Variants in YWHAZ observed in about 807,000 individuals in gnomAD.
The protein encoded by YWHAZ is 14-3-3 protein zeta/delta.
For missense variants in YWHAZ, 79 were observed against 284.8 expected, an observed-to-expected ratio of 0.28 and a Z score of 5.20; for synonymous variants, 87 against 103.6, an observed-to-expected ratio of 0.84 and a Z score of 0.97.
In YWHAZ at chr8:100,918,490, G is replaced by C. The variant is rs1484152354; in HGVS notation, c.*2203C>G. ...TGGGGGTCAGGAGAAATCAGTAAGT[G>C]AGGTAAAAGAAAGAGCTGCGAGGGA... On this transcript the variant is annotated 3_prime_UTR_variant, in exon 6 of 6. Coordinates refer to ENST00000395958, the MANE Select transcript of YWHAZ (RefSeq NM_145690.3). 1 of 138,826 alleles carries C rather than the reference G, an allele frequency of 7.2e-6. No homozygotes were observed. Among genetic ancestry groups the C allele is most frequent in the African/African-American group, 2.7e-5 (1 of 37,680 alleles). The allele number at this position is 138,826 out of a possible 1,614,324, so 8.6% of individuals were successfully genotyped here. A position where few individuals can be genotyped will look rare whatever the true frequency, so the allele number is the denominator to read the frequency against.
chr8:100,952,401 C>T (rs1810866159), upstream of YWHAZ: 1 of 155,180 alleles, frequency 6.4e-6, no homozygotes, highest in African/African-American at 2.4e-5. Flanking sequence ...CTCTCTCTCC[C>T]TCTCCCCTGC....
At chr8:100,938,155 T>C (rs995126122) in intron 2 of YWHAZ, among the ~76,000 whole-genome samples, 2 of 152,074 alleles carry the variant, frequency 1.3e-5, no homozygotes, top group African/African-American at 2.4e-5. Context: ...CCCCACTGTT[T>C]TCAATAAAAT....
chr8:100,929,656 T>G (rs977247790), intron 2 of YWHAZ, among the ~76,000 whole-genome samples: 1 of 152,190 alleles, frequency 6.6e-6, no homozygotes, highest in Non-Finnish European at 1.5e-5. Context: ...GTGGTCTTTT[T>G]CAATTCTAAG....
At position 100,950,588 on chromosome 8, in the gene YWHAZ, T is replaced by C. The variant is rs986819218; in HGVS notation, c.-12+1341A>G. 1.0e-5 allele frequency: 10 copies of C among 985,022 alleles called. No homozygotes were observed. The African/African-American group carries it at 1.8e-4, about 17-fold the overall frequency. 61.0% of individuals were successfully genotyped at this position (985,022 alleles called of 1,614,324 possible). On this transcript the variant is annotated intron_variant, in intron 1 of 5. Coordinates refer to ENST00000395958, the MANE Select transcript of YWHAZ (RefSeq NM_145690.3). The stretch of plus-strand genomic sequence containing the variant: ...ATCTGTGTCAGGGAGCCCAACCTAC[T>C]GCAGAGTGTTAATTCCTCCCCCCGA...
intron 2 of YWHAZ, among the ~76,000 whole-genome samples, chr8:100,947,072 T>G (rs1356929314): frequency 6.6e-6 from 1 of 151,066 alleles, no homozygotes; most frequent in Non-Finnish European, 1.5e-5. Flanking sequence ...GCTAACATGG[T>G]GAAACCCCGT....
chr8:100,920,806 G>GGC, intron 5 of YWHAZ, 54 bp from the exon 6 acceptor site: 2 of 555,952 alleles, frequency 3.6e-6, no homozygotes, highest in South Asian at 1.6e-5. Context: ...GGGGGGGGGG[G>GGC]GGCGTTTTCA....
Position 100,924,079 on chromosome 8 carries a change from T to A in YWHAZ, c.583-29A>T. On this transcript the variant is annotated intron_variant, in intron 4 of 5. Coordinates refer to ENST00000395958, the MANE Select transcript of YWHAZ (RefSeq NM_145690.3). The surrounding 1 kb of genome is among the most constrained non-coding windows in gnomAD (Gnocchi z 5.7). ...CGATTTAAAAATAGTACATTACATTTCAGTGCTCAAATAATAAAGACTGCT... is the reference window on the plus strand; with the variant it reads ...CGATTTAAAAATAGTACATTACATTACAGTGCTCAAATAATAAAGACTGCT... 1.9e-6 allele frequency: 3 copies of A among 1,608,202 alleles called. No homozygotes were observed. Among genetic ancestry groups the A allele is most frequent in the Non-Finnish European group, 2.5e-6 (3 of 1,178,218 alleles).
At chr8:100,953,197 T>C (rs1810924649), upstream of YWHAZ, 1 of 985,346 alleles carries the variant, frequency 1.0e-6, no homozygotes, top group Admixed American at 6.1e-5. Flanking sequence ...GACCCGTTTC[T>C]CGTAGGCTAG....
intron 2 of YWHAZ, among the ~76,000 whole-genome samples, chr8:100,943,380 T>G (rs1012432539): frequency 1.2e-4 from 18 of 152,228 alleles, no homozygotes; most frequent in Admixed American, 9.2e-4. Flanking sequence ...AAAACTTACT[T>G]GATATCAGAA....
chr8:100,949,970 G>C (rs1810587968), intron 1 of YWHAZ, among the ~76,000 whole-genome samples: 1 of 152,176 alleles, frequency 6.6e-6, no homozygotes, highest in Non-Finnish European at 1.5e-5. Flanking sequence ...CCTGAATGAA[G>C]TGCACTTTTA....
intron 1 of YWHAZ, chr8:100,951,229 GTC>G (rs1355882337): frequency 1.0e-6 from 1 of 984,874 alleles, no homozygotes; most frequent in African/African-American, 1.8e-5. Flanking sequence ...CCTCGCCCCG[GTC>G]TACCTGGCGG....
At chr8:100,935,084 G>C (rs1814049823) in intron 2 of YWHAZ, 1 of 152,022 alleles carries the variant, frequency 6.6e-6, no homozygotes, top group Non-Finnish European at 1.5e-5. Flanking sequence ...ATGAACCCGG[G>C]AGGCAGAGGT....
intron 2 of YWHAZ, among the ~76,000 whole-genome samples, chr8:100,941,180 C>T (rs1400494497): frequency 6.6e-6 from 1 of 152,220 alleles, no homozygotes; most frequent in Non-Finnish European, 1.5e-5. Flanking sequence ...CTTCAACTGT[C>T]AATTCCACAG....
At chr8:100,944,452 C>T (rs1035825078) in intron 2 of YWHAZ, among the ~76,000 whole-genome samples, 4 of 152,158 alleles carry the variant, frequency 2.6e-5, no homozygotes, top group African/African-American at 9.7e-5. Context: ...TAAGATTACT[C>T]AACTGCAGTT....
At chr8:100,949,500 A>G (rs1045679194) in intron 1 of YWHAZ, among the ~76,000 whole-genome samples, 3 of 152,100 alleles carry the variant, frequency 2.0e-5, no homozygotes, top group African/African-American at 7.2e-5. Context: ...GGGGGGAATG[A>G]CCAACTGTTT....
At chr8:100,941,262 T>A (rs1372685436) in intron 2 of YWHAZ, among the ~76,000 whole-genome samples, 1 of 152,192 alleles carries the variant, frequency 6.6e-6, no homozygotes, top group Non-Finnish European at 1.5e-5. Flanking sequence ...GGTCCAAGTA[T>A]GTCATTCTAA....
At chr8:100,947,860 A>C (rs1332174420) in intron 2 of YWHAZ, among the ~76,000 whole-genome samples, 1 of 152,236 alleles carries the variant, frequency 6.6e-6, no homozygotes, top group East Asian at 1.9e-4. Flanking sequence ...GCTTGGTTGG[A>C]TTCTCTACTG....
intron 1 of YWHAZ, chr8:100,950,278 C>G: frequency 1.3e-6 from 1 of 753,236 alleles, no homozygotes; most frequent in South Asian, 6.0e-5. Context: ...TAAGCCAGTA[C>G]AAAGGATTCT....
chr8:100,945,595 A>T (rs1354002562), intron 2 of YWHAZ, among the ~76,000 whole-genome samples: 1 of 152,062 alleles, frequency 6.6e-6, no homozygotes, highest in East Asian at 1.9e-4. Context: ...TTAAAAATAT[A>T]ATTTAAAATA....
Sources: gnomAD v4.1 joint callset for allele counts (sites outside exome capture counted in the v4.1 genomes callset) on GRCh38, gnomAD v4.1.1 for gene constraint, Gnocchi (gnomAD v3.1) non-coding constraint, MANE v1.5 for transcripts, NCBI Gene and HGNC (gene_info 2026-07-23, HGNC 2026-07-21) for gene names.